Variants in SHROOM3 observed in about 807,000 individuals in gnomAD.
The protein encoded by SHROOM3 is shroom family member 3.
A neutral mutation model predicts 138.6 loss-of-function variants in SHROOM3; 47 were observed. The observed-to-expected ratio is 0.34, with a 90% CI of 0.27 to 0.43. The LOEUF (loss-of-function observed/expected upper bound fraction) is 0.43, where lower values mean the gene tolerates loss of function less well. SHROOM3 is among the 20% of genes least tolerant of loss of function. The pLI is 1.00. For synonymous variants in SHROOM3, 1,062 were observed against 1,063.3 expected (o/e 1.00, Z 0.02); for missense variants, 2,491 against 2,596.5 (o/e 0.96, Z 0.88).
intron 6 of SHROOM3, among the ~76,000 whole-genome samples, chr4:76,752,177 C>G (rs998113079): frequency 6.6e-6 from 1 of 152,186 alleles, no homozygotes; most frequent in Non-Finnish European, 1.5e-5. Context: ...CATGACATTA[C>G]GTGAAGTGAA....
chr4:76,676,801 G>A (rs1350816570), intron 2 of SHROOM3, among the ~76,000 whole-genome samples: 1 of 151,994 alleles, frequency 6.6e-6, no homozygotes, highest in Non-Finnish European at 1.5e-5. Flanking sequence ...AAATTAGCCG[G>A]ACATGATGGC....
chr4:76,438,231 A>G (rs1177570227), intron 1 of SHROOM3, among the ~76,000 whole-genome samples: 3 of 152,196 alleles, frequency 2.0e-5, no homozygotes, highest in Non-Finnish European at 4.4e-5. Flanking sequence ...CAGGGACCCA[A>G]GTTCCTTCTA....
chr4:76,719,683 C>A (rs186723145), intron 3 of SHROOM3, among the ~76,000 whole-genome samples: 1 of 137,490 alleles, frequency 7.3e-6, no homozygotes. Context: ...CAATTTGTTA[C>A]CCCCCGGCAA....
intron 9 of SHROOM3, among the ~76,000 whole-genome samples, chr4:76,769,068 T>C (rs1367345165): frequency 6.6e-6 from 1 of 152,184 alleles, no homozygotes; most frequent in Non-Finnish European, 1.5e-5. Flanking sequence ...AAGTTGTCAG[T>C]ACCTTTCAAT....
At chr4:76,620,267 G>A (rs1487927383) in intron 2 of SHROOM3, among the ~76,000 whole-genome samples, 1 of 152,034 alleles carries the variant, frequency 6.6e-6, no homozygotes, top group East Asian at 1.9e-4. Flanking sequence ...TCTTGGAGAG[G>A]TCTTGGGCTC....
At chr4:76,650,057 T>C (rs1285860890) in intron 2 of SHROOM3, among the ~76,000 whole-genome samples, 1 of 152,174 alleles carries the variant, frequency 6.6e-6, no homozygotes, top group Non-Finnish European at 1.5e-5. Context: ...TGGATGTGCT[T>C]GGAGAGAGTT....
At chr4:76,751,987 C>T (rs1219069472) in intron 6 of SHROOM3, among the ~76,000 whole-genome samples, 1 of 152,202 alleles carries the variant, frequency 6.6e-6, no homozygotes, top group Admixed American at 6.5e-5. Flanking sequence ...AAAGCAGGGT[C>T]TCCAAGACCC....
At chr4:76,530,839 C>T (rs1436051564) in intron 1 of SHROOM3, among the ~76,000 whole-genome samples, 4 of 152,168 alleles carry the variant, frequency 2.6e-5, no homozygotes, top group African/African-American at 4.8e-5. Flanking sequence ...GGGACCATCA[C>T]ACACGGGAGG....
chr4:76,640,445 C>T (rs1735634553), intron 2 of SHROOM3, among the ~76,000 whole-genome samples: 1 of 152,140 alleles, frequency 6.6e-6, no homozygotes, highest in African/African-American at 2.4e-5. Flanking sequence ...AGCCAGGTGC[C>T]AAATCCATTC....
intron 1 of SHROOM3, among the ~76,000 whole-genome samples, chr4:76,492,015 C>T (rs1409539131): frequency 6.6e-6 from 1 of 152,166 alleles, no homozygotes; most frequent in African/African-American, 2.4e-5. Flanking sequence ...TAACAAAAGT[C>T]TGTAAAGGCC....
intron 2 of SHROOM3, among the ~76,000 whole-genome samples, chr4:76,670,921 TG>T (rs1718861648): frequency 6.6e-6 from 1 of 152,164 alleles, no homozygotes; most frequent in African/African-American, 2.4e-5. Flanking sequence ...CACCCCAGGC[TG>T]GGTGCAGAGT....
At chr4:76,542,773 G>A (rs749918392) in intron 1 of SHROOM3, among the ~76,000 whole-genome samples, 11 of 152,190 alleles carry the variant, frequency 7.2e-5, no homozygotes, top group Non-Finnish European at 1.2e-4. Context: ...GCTTTAAGCC[G>A]GTAGGTTTGC....
chr4:76,628,180 GTTAACA>G (rs1002896279), intron 2 of SHROOM3, among the ~76,000 whole-genome samples: 14 of 152,320 alleles, frequency 9.2e-5, no homozygotes, highest in African/African-American at 3.4e-4. Context: ...AAATTATAGA[GTTAACA>G]TTGATGTTAG....
At chr4:76,759,438 G>T (rs1721924222) in intron 8 of SHROOM3, 107 bp from the exon 9 acceptor site, 2 of 1,442,972 alleles carry the variant, frequency 1.4e-6, no homozygotes, top group Non-Finnish European at 1.9e-6. Context: ...TTCTGGGAAA[G>T]AAATTAAATA....
Position 76,701,430 on chromosome 4 carries a change from C to A in SHROOM3, c.324-8726C>A, listed in dbSNP as rs527749792. Reference sequence around the variant, plus strand: ...CAGTCGTGTGGCTTAGAAGTCCTGACCTTGAGCGAATAACTGTCCCTCTAT... The same window carrying A: ...CAGTCGTGTGGCTTAGAAGTCCTGAACTTGAGCGAATAACTGTCCCTCTAT... On this transcript the variant is annotated intron_variant, in intron 2 of 10. Coordinates refer to ENST00000296043, the MANE Select transcript of SHROOM3 (RefSeq NM_020859.4). 4.6e-5 allele frequency among the ~76,000 whole-genome samples: 7 copies of A among 152,256 alleles called. No individual in the cohort carries two copies. In the South Asian group the frequency reaches 1.5e-3, roughly 32 times the overall value.
intron 4 of SHROOM3, among the ~76,000 whole-genome samples, chr4:76,733,467 C>A (rs1720941929): frequency 3.9e-5 from 6 of 152,222 alleles, no homozygotes; most frequent in African/African-American, 1.4e-4. Flanking sequence ...GTTCAAATAA[C>A]TCAAAATGTT....
intron 1 of SHROOM3, among the ~76,000 whole-genome samples, chr4:76,445,876 A>G (rs1187944848): frequency 6.6e-6 from 1 of 152,194 alleles, no homozygotes; most frequent in Non-Finnish European, 1.5e-5. Context: ...ACAACAGGAC[A>G]GGGCTTTCCA....
chr4:76,557,491 G>C (rs1441309683), intron 2 of SHROOM3, among the ~76,000 whole-genome samples: 2 of 152,090 alleles, frequency 1.3e-5, no homozygotes, highest in South Asian at 4.2e-4. Flanking sequence ...TGTTGGTCAA[G>C]GGGTACAAAC....
chr4:76,657,712 G>A (rs544443616), intron 2 of SHROOM3, among the ~76,000 whole-genome samples: 1 of 152,156 alleles, frequency 6.6e-6, no homozygotes, highest in Non-Finnish European at 1.5e-5. Flanking sequence ...GCTAATTATA[G>A]AAGAAACCTG....
Sources: gnomAD v4.1 joint callset for allele counts (sites outside exome capture counted in the v4.1 genomes callset) on GRCh38, gnomAD v4.1.1 for gene constraint, MANE v1.5 for transcripts, NCBI Gene and HGNC (gene_info 2026-07-23, HGNC 2026-07-21) for gene names.